Variants in TBC1D9 observed in about 807,000 individuals in gnomAD.
TBC1D9 encodes TBC1 domain family member 9, also known as TBC1 domain family member 9A.
In TBC1D9, 63 loss-of-function variants were observed where a neutral mutation model predicts 132.0. The observed-to-expected ratio is 0.48, with a 90% confidence interval of 0.39 to 0.59. The LOEUF is 0.59. TBC1D9 is among the 20% of genes least tolerant of loss of function. The probability of loss-of-function intolerance (pLI) is 0.00; values close to 1 mark genes in which losing one functional copy is unlikely to be tolerated. For synonymous variants in TBC1D9, 610 were observed against 609.9 expected, an observed-to-expected ratio of 1.00 and a Z score of 0.00; for missense variants, 1,261 against 1,592.7, an observed-to-expected ratio of 0.79 and a Z score of 3.54.
intron 6 of TBC1D9, among the ~76,000 whole-genome samples, chr4:140,674,105 G>A (rs2111013008): frequency 6.6e-6 from 1 of 152,282 alleles, no homozygotes; most frequent in East Asian, 1.9e-4. Flanking sequence ...CATTTGAGTA[G>A]CACATGATGA....
Position 140,622,711 on chromosome 4 carries a change from G to A in TBC1D9, c.3285C>T (p.Leu1095=). The A allele has an allele frequency of 6.2e-7, 1 of 1,610,786 alleles. No homozygotes were observed. The highest frequency in any genetic ancestry group is 8.5e-7 in the Non-Finnish European group (1 of 1,179,556). The change falls in exon 21 of 21, where the codon CTC becomes CTT. Residue 1095 remains leucine (L), a synonymous_variant. Transcript: ENST00000442267. Reference sequence around the variant, plus strand: ...GCTGGCCTGGCCCTTTCTTGGGGAAGAGCACGCCTGGGATGCCCTGGTGGC... The same window carrying A: ...GCTGGCCTGGCCCTTTCTTGGGGAAAAGCACGCCTGGGATGCCCTGGTGGC... The part of the protein sequence containing the change: ...PSCHQGIPGV[L]FPKKGPGQPY...
intron 1 of TBC1D9, among the ~76,000 whole-genome samples, chr4:140,738,428 C>T (rs985127086): frequency 6.6e-6 from 1 of 152,040 alleles, no homozygotes; most frequent in Non-Finnish European, 1.5e-5. Context: ...AGAATGTAAC[C>T]ACTTGCTTCA....
intron 13 of TBC1D9, chr4:140,644,386 C>T (rs1197503785): frequency 1.4e-5 from 4 of 281,318 alleles, no homozygotes; most frequent in Admixed American, 1.0e-4. Flanking sequence ...GCCTTGGACA[C>T]GTCCTCCAGC....
At chr4:140,748,953 T>C (rs1738880591) in intron 1 of TBC1D9, among the ~76,000 whole-genome samples, 1 of 152,218 alleles carries the variant, frequency 6.6e-6, no homozygotes, top group South Asian at 2.1e-4. Flanking sequence ...GTTGAAAATA[T>C]GTTAAGAATT....
chr4:140,746,446 G>A (rs1738837258), intron 1 of TBC1D9, among the ~76,000 whole-genome samples: 1 of 151,920 alleles, frequency 6.6e-6, no homozygotes, highest in Admixed American at 6.6e-5. Context: ...TCAAATGGGG[G>A]GTGGTTATAA....
chr4:140,665,035 A>T (rs1737420472), intron 9 of TBC1D9, among the ~76,000 whole-genome samples: 1 of 148,186 alleles, frequency 6.7e-6, no homozygotes, highest in South Asian at 2.2e-4. Context: ...TGAACCCAGG[A>T]GGTGGAGGTT....
chr4:140,665,702 G>A (rs1171499485), intron 9 of TBC1D9, among the ~76,000 whole-genome samples: 2 of 151,678 alleles, frequency 1.3e-5, no homozygotes, highest in Non-Finnish European at 2.9e-5. Flanking sequence ...TCTGAGAGAG[G>A]GTCTTGCTGA....
chr4:140,690,222 C>T (rs963550763), intron 2 of TBC1D9, among the ~76,000 whole-genome samples: 2 of 152,122 alleles, frequency 1.3e-5, no homozygotes, highest in African/African-American at 2.4e-5. Context: ...CCCACCCCAT[C>T]TTCAAATAGT....
At position 140,628,303 on chromosome 4, in the gene TBC1D9, G is replaced by T. The variant is rs1244462939; in HGVS notation, c.2809C>A (p.Pro937Thr). The change falls in exon 17 of 21, where the codon CCT (proline) becomes ACT (threonine). Residue 937 changes from proline to threonine, a missense_variant. This residue lies in a region of TBC1D9 where 618 missense variants were observed against 724.4 expected (regional missense o/e 0.85). Coordinates refer to ENST00000442267, the MANE Select transcript of TBC1D9 (RefSeq NM_015130.3). ...CTGCTCCATGTAGCTCACTCACCAG[G>T]CAAGACGTGCATTTTGTACAGGAGT... The part of the protein sequence containing the change: ...LKLLYKMHVL[P>T]EPSSDQDEPD... 3 of 1,613,680 alleles carry T rather than the reference G, an allele frequency of 1.9e-6. No homozygotes were observed. In the African/African-American group the frequency reaches 4.0e-5, roughly 22 times the overall value.
chr4:140,622,975 C>G (rs1323257152), intron 20 of TBC1D9, 58 bp from the exon 21 acceptor site: 1 of 1,453,026 alleles, frequency 6.9e-7, no homozygotes, highest in Non-Finnish European at 9.1e-7. Flanking sequence ...AAAGGCAGCA[C>G]TGAAGTGGAC....
rs554735866 is a variant in TBC1D9 at position 140,624,045 on chromosome 4, C to T, written c.3078+71G>A. 71 of 1,256,094 alleles carry T rather than the reference C, an allele frequency of 5.7e-5. No individual in the cohort carries two copies. In the Middle Eastern group the frequency reaches 7.4e-4, roughly 13 times the overall value. The allele number at this position is 1,256,094 out of a possible 1,614,324, so 77.8% of individuals were successfully genotyped here. A position where few individuals can be genotyped will look rare whatever the true frequency, so the allele number is the denominator to read the frequency against. On this transcript the variant is annotated intron_variant, in intron 20 of 20. Transcript: ENST00000442267. ...TGATGGGTATTGAGTCTACATTTAT[C>T]GATGACTTTTCAGTCATAGAAAAAA...
chr4:140,742,090 TGTGTCATG>T (rs1398722799), intron 1 of TBC1D9, among the ~76,000 whole-genome samples: 2 of 152,196 alleles, frequency 1.3e-5, no homozygotes, highest in Non-Finnish European at 2.9e-5. Context: ...CTCCAGAGGC[TGTGTCATG>T]GGTCATGGTC....
At position 140,669,741 on chromosome 4, in the gene TBC1D9, C is replaced by T; in HGVS notation, c.1330G>A (p.Asp444Asn). 6.2e-7 allele frequency: 1 copy of T among 1,613,970 alleles called. No homozygotes were observed. The highest frequency in any genetic ancestry group is 8.5e-7 in the Non-Finnish European group (1 of 1,179,880). The change falls in exon 8 of 21, where the codon GAT (aspartate) becomes AAT (asparagine). Residue 444 changes from aspartate to asparagine, a missense_variant. By Grantham distance (23) the Asp-to-Asn change is conservative. This residue lies in a region of TBC1D9 where 550 missense variants were observed against 699.0 expected (regional missense o/e 0.79). Coordinates refer to ENST00000442267, the MANE Select transcript of TBC1D9 (RefSeq NM_015130.3). ...SPQRSTSSDA[D>N]GERQFNLNGN... ...TTTAGGTTAAACTGGCGCTCTCCAT[C>T]AGCATCAGAGCTCGTGCTTCTCTGG...
At chr4:140,665,462 G>A (rs1262991497) in intron 9 of TBC1D9, among the ~76,000 whole-genome samples, 1 of 152,120 alleles carries the variant, frequency 6.6e-6, no homozygotes, top group Non-Finnish European at 1.5e-5. Context: ...AGATATAGAA[G>A]TGGTCAGTAA....
chr4:140,672,077 C>G (rs1415838083), intron 6 of TBC1D9, among the ~76,000 whole-genome samples: 5 of 151,994 alleles, frequency 3.3e-5, no homozygotes. Flanking sequence ...TCTAAAAACT[C>G]TTGCATATCT....
At chr4:140,654,279 A>AT (rs528273379) in intron 13 of TBC1D9, among the ~76,000 whole-genome samples, 5 of 152,024 alleles carry the variant, frequency 3.3e-5, no homozygotes, top group Non-Finnish European at 2.9e-5. Flanking sequence ...TAAACATTTG[A>AT]TTTTTTTAGA....
At chr4:140,645,274 C>CA (rs1737086538) in intron 13 of TBC1D9, 1 of 523,048 alleles carries the variant, frequency 1.9e-6, no homozygotes, top group Non-Finnish European at 3.8e-6. Flanking sequence ...TGTGCTCTTT[C>CA]ACATTACTCA....
chr4:140,667,516 T>C (rs1737466991), intron 9 of TBC1D9, among the ~76,000 whole-genome samples: 1 of 152,184 alleles, frequency 6.6e-6, no homozygotes, highest in Admixed American at 6.5e-5. Context: ...AAAGACTGGA[T>C]GGTAATGATC....
intron 1 of TBC1D9, among the ~76,000 whole-genome samples, chr4:140,712,858 G>C (rs189788742): frequency 3.4e-4 from 51 of 152,110 alleles, no homozygotes; most frequent in African/African-American, 1.2e-3. Context: ...ACTGAGGGTC[G>C]GGCTGCTATT....
Sources: gnomAD v4.1 joint callset for allele counts (sites outside exome capture counted in the v4.1 genomes callset) on GRCh38, gnomAD v4.1.1 for gene constraint, gnomAD v4.1.1 regional missense constraint, MANE v1.5 for transcripts, NCBI Gene and HGNC (gene_info 2026-07-23, HGNC 2026-07-21) for gene names.